EIF2B3: variants seen among roughly 807,000 people sequenced by gnomAD.
The protein encoded by EIF2B3 is eukaryotic translation initiation factor 2B subunit gamma, also known as translation initiation factor eIF2B subunit gamma.
A neutral mutation model predicts 54.1 loss-of-function variants in EIF2B3; 20 were observed. That is an observed-to-expected ratio of 0.37 (90% CI 0.26 to 0.54). The LOEUF (loss-of-function observed/expected upper bound fraction) is 0.54, where lower values mean the gene tolerates loss of function less well. EIF2B3 is among the 20% of genes least tolerant of loss of function. EIF2B3 has a pLI of 0.86. For synonymous variants in EIF2B3, 153 were observed against 188.1 expected (o/e 0.81, Z 1.52); for missense variants, 448 against 547.8 (o/e 0.82, Z 1.82).
At chr1:44,860,190 C>G (rs1438069360) in intron 10 of EIF2B3, among the ~76,000 whole-genome samples, 1 of 152,006 alleles carries the variant, frequency 6.6e-6, no homozygotes, top group African/African-American at 2.4e-5. Flanking sequence ...CACTTTGTCA[C>G]CCAGGCTGGA....
intron 3 of EIF2B3, 146 bp from the exon 4 acceptor site, chr1:44,941,811 T>A: frequency 4.1e-6 from 4 of 976,906 alleles, no homozygotes; most frequent in Non-Finnish European, 6.3e-6. Flanking sequence ...GTAAAATAAA[T>A]GGGGTTGTTC....
intron 5 of EIF2B3, among the ~76,000 whole-genome samples, chr1:44,901,281 A>G (rs1380604670): frequency 6.6e-6 from 1 of 151,820 alleles, no homozygotes; most frequent in Non-Finnish European, 1.5e-5. Context: ...ATGCCCAACT[A>G]ATTTTTGTAT....
At chr1:44,970,332 T>C (rs545560042) in intron 3 of EIF2B3, among the ~76,000 whole-genome samples, 3 of 152,242 alleles carry the variant, frequency 2.0e-5, no homozygotes, top group East Asian at 1.9e-4. Context: ...ATAAAGTGAA[T>C]GTACTACTCT....
intron 4 of EIF2B3, among the ~76,000 whole-genome samples, chr1:44,933,295 GTTAA>G (rs1451238417): frequency 1.3e-5 from 2 of 152,140 alleles, no homozygotes; most frequent in African/African-American, 4.8e-5. Flanking sequence ...AAAATATTCA[GTTAA>G]TTAATAATAC....
At position 44,865,230 on chromosome 1, in the gene EIF2B3, G is replaced by A. The variant is rs1396765144; in HGVS notation, c.1203-7423C>T. ...AGACTCCATCTTAAAAAAAAAAAAA[G>A]AAATGTGTGAAGCCAGCCTGATTTT... On this transcript the variant is annotated intron_variant, in intron 10 of 11. Transcript: ENST00000360403. Among the ~76,000 whole-genome samples, 127 of 125,906 alleles carry A rather than the reference G, an allele frequency of 1.0e-3. 1 individual carries two copies. The highest frequency in any genetic ancestry group is 7.8e-3 in the Middle Eastern group (2 of 258). The allele number at this position is 125,906 out of a possible 152,430, so 82.6% of individuals were successfully genotyped here.
At chr1:44,863,048 G>C (rs1654663447) in intron 10 of EIF2B3, 1 of 152,240 alleles carries the variant, frequency 6.6e-6, no homozygotes, top group African/African-American at 2.4e-5. Flanking sequence ...TCCTGCTTCA[G>C]ATATTGACTT....
chr1:44,949,013 T>A (rs935387885), intron 3 of EIF2B3, among the ~76,000 whole-genome samples: 2 of 152,064 alleles, frequency 1.3e-5, no homozygotes, highest in Non-Finnish European at 2.9e-5. Flanking sequence ...GGATTACAGG[T>A]ACATGCCACC....
chr1:44,968,590 G>T (rs1260237101), intron 3 of EIF2B3, among the ~76,000 whole-genome samples: 1 of 152,166 alleles, frequency 6.6e-6, no homozygotes, highest in Non-Finnish European at 1.5e-5. Flanking sequence ...AACGCTGTAT[G>T]TCAAAAGATA....
At chr1:44,983,555 G>T (rs1360662786) in intron 1 of EIF2B3, among the ~76,000 whole-genome samples, 1 of 152,118 alleles carries the variant, frequency 6.6e-6, no homozygotes, top group Non-Finnish European at 1.5e-5. Context: ...ATGTTATTAT[G>T]AAAAGAGCAC....
intron 1 of EIF2B3, among the ~76,000 whole-genome samples, chr1:44,981,942 CAAAAAAAA>C (rs35864275): frequency 1.3e-5 from 1 of 78,990 alleles, no homozygotes; most frequent in Non-Finnish European, 2.6e-5. Flanking sequence ...GATCCTGTCT[CAAAAAAAA>C]AAAAAAAAAA....
chr1:44,915,169 AC>A (rs1483451872), intron 5 of EIF2B3, among the ~76,000 whole-genome samples: 4 of 151,162 alleles, frequency 2.6e-5, no homozygotes, highest in Admixed American at 2.0e-4. Flanking sequence ...TGGTAGTGGC[AC>A]ATGCCTGTAA....
intron 11 of EIF2B3, among the ~76,000 whole-genome samples, chr1:44,854,010 T>G (rs952889374): frequency 5.3e-5 from 8 of 151,348 alleles, no homozygotes; most frequent in South Asian, 2.1e-4. Flanking sequence ...TTTTTTTGTT[T>G]TTTTTTTTTC....
chr1:44,856,705 T>C (rs1397377845), intron 11 of EIF2B3, among the ~76,000 whole-genome samples: 2 of 152,084 alleles, frequency 1.3e-5, no homozygotes, highest in African/African-American at 4.8e-5. Context: ...AAGGAAATGA[T>C]GTGGCGTCTA....
intron 3 of EIF2B3, among the ~76,000 whole-genome samples, chr1:44,943,203 A>C (rs1644056879): frequency 6.7e-6 from 1 of 149,598 alleles, no homozygotes; most frequent in Non-Finnish European, 1.5e-5. Context: ...AAAAATAGAG[A>C]CAGGGTCTCA....
At chr1:44,851,069 C>CT (rs1553167139) in intron 11 of EIF2B3, 66 bp from the exon 12 acceptor site, 58,302 of 1,144,252 alleles carry the variant, frequency 0.051, no homozygotes, top group Non-Finnish European at 0.057. Flanking sequence ...AACCCAACTG[C>CT]TTTTTTTTTT....
At chr1:44,856,528 TAAAA>T (rs150728949) in intron 11 of EIF2B3, among the ~76,000 whole-genome samples, 49 of 102,380 alleles carry the variant, frequency 4.8e-4, no homozygotes, top group Admixed American at 7.8e-4. Flanking sequence ...AAATTAAAAT[TAAAA>T]AAAAAAAAAA....
At position 44,874,685 on chromosome 1, in the gene EIF2B3, CCA is replaced by C. The variant is rs113994026; in HGVS notation, c.1193_1194del (p.Val398GlyfsTer35). On this transcript the variant is annotated frameshift_variant, in exon 10 of 12. Transcript: ENST00000360403. LOFTEE classifies it high-confidence loss of function. ...TNCLLMNSVTVEEGSNIQGSV... is the reference protein window; with the variant it reads ...TNCLLMNSVTXEEGSNIQGSV... ...GTACAGGGGGAAACATACCCTTCCT[CCA>C]CAGTGACTGAGTTCATGAGAAGGCA... The C allele has an allele frequency of 1.9e-6, 3 of 1,614,044 alleles. No individual in the cohort carries two copies. The highest frequency in any genetic ancestry group is 2.5e-6 in the Non-Finnish European group (3 of 1,180,028).
In EIF2B3 at chr1:44,851,088, G is replaced by A. The variant is rs1288244378; in HGVS notation, c.1307-85C>T. 26 of 1,368,058 alleles carry A rather than the reference G, an allele frequency of 1.9e-5. No homozygotes were observed. The East Asian group carries it at 2.3e-4, about 12-fold the overall frequency. The allele number at this position is 1,368,058 out of a possible 1,614,324, so 84.7% of individuals were successfully genotyped here. A position where few individuals can be genotyped will look rare whatever the true frequency, so the allele number is the denominator to read the frequency against. On this transcript the variant is annotated intron_variant, in intron 11 of 11. Transcript: ENST00000360403. ...CAACTGCTTTTTTTTTTTGGAGACC[G>A]AGTTTCGCTCTTGTCACCCAGGCTG...
chr1:44,962,752 A>T (rs771198591), intron 3 of EIF2B3, among the ~76,000 whole-genome samples: 3 of 152,194 alleles, frequency 2.0e-5, no homozygotes, highest in Non-Finnish European at 4.4e-5. Context: ...TAAGGAACTT[A>T]AGGAACTTAT....
Sources: allele counts gnomAD v4.1 joint callset (sites outside exome capture counted in the v4.1 genomes callset), GRCh38; gene constraint gnomAD v4.1.1; transcripts MANE v1.5; gene names NCBI Gene and HGNC (gene_info 2026-07-23, HGNC 2026-07-21).